MORN1: variants seen among roughly 807,000 people sequenced by gnomAD.
The protein encoded by MORN1 is MORN repeat containing 1.
In MORN1, 67 loss-of-function variants were observed where a neutral mutation model predicts 61.9. The ratio of observed to expected loss-of-function variants is 1.08; its 90% CI spans 0.89 to 1.33. The LOEUF (loss-of-function observed/expected upper bound fraction) is 1.33. Among genes scored for constraint, MORN1 ranks in the 40% most tolerant of loss-of-function variants. The probability of loss-of-function intolerance (pLI) is 0.00; values close to 1 mark genes in which losing one functional copy is unlikely to be tolerated. For synonymous variants in MORN1, 301 were observed against 292.0 expected, an observed-to-expected ratio of 1.03 and a Z score of -0.31; for missense variants, 752 against 691.2, an observed-to-expected ratio of 1.09 and a Z score of -0.99.
At chr1:2,331,405 T>C (rs1396331953) in intron 12 of MORN1, among the ~76,000 whole-genome samples, 1 of 152,206 alleles carries the variant, frequency 6.6e-6, no homozygotes, top group African/African-American at 2.4e-5. Flanking sequence ...CCTGACATCC[T>C]TGGACCTGCT....
intron 10 of MORN1, among the ~76,000 whole-genome samples, chr1:2,356,595 C>T (rs543923264): frequency 5.9e-5 from 9 of 152,278 alleles, no homozygotes; most frequent in East Asian, 1.9e-4. Flanking sequence ...CCCCCACGCC[C>T]GACCCCCGTT....
Position 2,357,325 on chromosome 1 carries a change from G to C in MORN1, c.1036+107C>G. The C allele has an allele frequency of 7.9e-7, 1 of 1,269,354 alleles. No homozygotes were observed. The highest frequency in any genetic ancestry group is 1.1e-6 in the Non-Finnish European group (1 of 924,444). The allele number at this position is 1,269,354 out of a possible 1,614,324, so 78.6% of individuals were successfully genotyped here. A position where few individuals can be genotyped will look rare whatever the true frequency, so the allele number is the denominator to read the frequency against. On this transcript the variant is annotated intron_variant, in intron 10 of 13. Coordinates refer to ENST00000378531, the MANE Select transcript of MORN1 (RefSeq NM_024848.3). This position sits in a 1 kb window ranked among gnomAD's most constrained non-coding sequence, Gnocchi z 6.3. ...ACGCGTGATGACTGACCCTGGGTGCGGCTTGCTCCTGCTCTGGCCTGGTTC... is the reference window on the plus strand; with the variant it reads ...ACGCGTGATGACTGACCCTGGGTGCCGCTTGCTCCTGCTCTGGCCTGGTTC...
chr1:2,328,784 C>T (rs973563353), intron 12 of MORN1, among the ~76,000 whole-genome samples: 1 of 152,198 alleles, frequency 6.6e-6, no homozygotes, highest in Non-Finnish European at 1.5e-5. Flanking sequence ...CCCAGCTCCT[C>T]TCCCGGGGAG....
chr1:2,383,341 A>T (rs1343711273), intron 6 of MORN1, among the ~76,000 whole-genome samples: 2 of 151,894 alleles, frequency 1.3e-5, no homozygotes, highest in Non-Finnish European at 2.9e-5. Flanking sequence ...CCTCAGGGGG[A>T]GTTTCCTGAG....
chr1:2,322,214 A>G (rs1640897174), intron 13 of MORN1: 1 of 985,430 alleles, frequency 1.0e-6, no homozygotes, highest in East Asian at 1.1e-4. Context: ...AGAAACCATA[A>G]AAAAGAAAAT....
rs1293846239 is a variant in MORN1 at position 2,372,303 on chromosome 1, G to T, written c.745+178C>A. On this transcript the variant is annotated intron_variant, in intron 8 of 13. Transcript: ENST00000378531. The surrounding 1 kb of genome is among the most constrained non-coding windows in gnomAD (Gnocchi z 5.4). ...CATGCTTGCACACACACCCAAGGCT[G>T]CCCTGACTGGCAGGGAAGCTGGCAC... 3.4e-6 allele frequency: 2 copies of T among 587,188 alleles called. No individual in the cohort carries two copies. Among genetic ancestry groups the T allele is most frequent in the African/African-American group, 3.7e-5 (2 of 53,414 alleles). The allele number at this position is 587,188 out of a possible 1,614,324, so 36.4% of individuals were successfully genotyped here.
rs375999536 is a variant in MORN1, at chr1:2,348,612, T to C, written c.1036+8820A>G. Among the ~76,000 whole-genome samples the C allele has an allele frequency of 2.0e-4, 28 of 142,164 alleles. No individual in the cohort carries two copies. The East Asian group carries it at 5.1e-3, about 26-fold the overall frequency. 93.3% of individuals were successfully genotyped at this position (142,164 alleles called of 152,430 possible). A position where few individuals can be genotyped will look rare whatever the true frequency, so the allele number is the denominator to read the frequency against. ...ACACGCATGCGCACATACGTGCACC[T>C]AGGCAGGCACGCACGCACACACGCA... is the stretch of plus-strand genomic sequence containing the variant. On this transcript the variant is annotated intron_variant, in intron 10 of 13. Coordinates refer to ENST00000378531, the MANE Select transcript of MORN1 (RefSeq NM_024848.3).
chr1:2,372,758 C>T lies in MORN1; in HGVS notation c.635-167G>A, dbSNP rs559312743. ...CTCCGCAAACCACCTTGCAGAGCAG[C>T]GACCTGGGCAGTCGTCCACACTCAG... On this transcript the variant is annotated intron_variant, in intron 7 of 13. Coordinates refer to ENST00000378531, the MANE Select transcript of MORN1 (RefSeq NM_024848.3). This position sits in a 1 kb window ranked among gnomAD's most constrained non-coding sequence, Gnocchi z 5.4. Among the ~76,000 whole-genome samples, 3 of 131,670 alleles carry T rather than the reference C, an allele frequency of 2.3e-5. No individual in the cohort carries two copies. The highest frequency in any genetic ancestry group is 5.0e-5 in the African/African-American group (2 of 40,090). 86.4% of individuals were successfully genotyped at this position (131,670 alleles called of 152,430 possible).
intron 8 of MORN1, among the ~76,000 whole-genome samples, chr1:2,360,912 C>T (rs976785665): frequency 1.4e-4 from 21 of 152,176 alleles, no homozygotes; most frequent in East Asian, 1.9e-4. Context: ...GTGAGGCAGA[C>T]GGGTCTCCAG....
intron 10 of MORN1, among the ~76,000 whole-genome samples, chr1:2,354,467 T>A (rs758615733): frequency 3.3e-5 from 5 of 152,120 alleles, no homozygotes; most frequent in Non-Finnish European, 5.9e-5. Flanking sequence ...CTCCGGAGGC[T>A]GAGGTGGGAG....
At chr1:2,350,313 AAAC>A (rs1358510367) in intron 10 of MORN1, 5 of 152,268 alleles carry the variant, frequency 3.3e-5, no homozygotes, top group African/African-American at 4.8e-5. Context: ...TGAAAGTTAA[AAAC>A]AACTAAACAA....
chr1:2,332,509 G>A (rs1291362328), intron 12 of MORN1: 1 of 422,368 alleles, frequency 2.4e-6, no homozygotes, highest in East Asian at 7.2e-5. Context: ...TCTTGACATC[G>A]ACCCCACGCA....
At chr1:2,328,286 C>T (rs1345267655) in intron 12 of MORN1, among the ~76,000 whole-genome samples, 1 of 152,234 alleles carries the variant, frequency 6.6e-6, no homozygotes, top group Non-Finnish European at 1.5e-5. Flanking sequence ...GGCTGTGAGG[C>T]CCAGGGGACC....
At chr1:2,324,846 C>G (rs376421225) in intron 12 of MORN1, among the ~76,000 whole-genome samples, 1 of 152,028 alleles carries the variant, frequency 6.6e-6, no homozygotes, top group Non-Finnish European at 1.5e-5. Flanking sequence ...GCCTGGACAG[C>G]GCCTCGGGGC....
intron 12 of MORN1, among the ~76,000 whole-genome samples, chr1:2,330,883 A>G (rs1426045816): frequency 2.0e-5 from 3 of 152,222 alleles, no homozygotes; most frequent in Non-Finnish European, 2.9e-5. Flanking sequence ...GGCTGGGCAA[A>G]GTCATGGCCA....
At chr1:2,384,591 C>T (rs932119926) in intron 6 of MORN1, among the ~76,000 whole-genome samples, 3 of 152,352 alleles carry the variant, frequency 2.0e-5, no homozygotes, top group African/African-American at 7.2e-5. Context: ...CGCCGAGGCG[C>T]AGAGGCTCCC....
chr1:2,339,781 G>A (rs937712071), intron 10 of MORN1, among the ~76,000 whole-genome samples: 2 of 152,168 alleles, frequency 1.3e-5, no homozygotes, highest in Non-Finnish European at 2.9e-5. Flanking sequence ...CCGAGGGCCC[G>A]GAGCTCAGCC....
chr1:2,335,598 T>C (rs1279189080), intron 12 of MORN1, among the ~76,000 whole-genome samples: 2 of 152,168 alleles, frequency 1.3e-5, no homozygotes, highest in Non-Finnish European at 2.9e-5. Flanking sequence ...TGATTTTTCC[T>C]GCAGGGTCTG....
At chr1:2,336,420 G>A (rs1294008281) in intron 12 of MORN1, 49 bp downstream of exon 12, 8 of 1,571,626 alleles carry the variant, frequency 5.1e-6, no homozygotes, top group Non-Finnish European at 7.0e-6. Context: ...TGATGAGGAG[G>A]CCACAGCTGA....
Sources: gnomAD v4.1 joint callset for allele counts (sites outside exome capture counted in the v4.1 genomes callset) on GRCh38, gnomAD v4.1.1 for gene constraint, Gnocchi (gnomAD v3.1) non-coding constraint, MANE v1.5 for transcripts, NCBI Gene and HGNC (gene_info 2026-07-23, HGNC 2026-07-21) for gene names.